Variants in KLF11 observed in about 807,000 individuals in gnomAD.
KLF11 encodes the protein Krueppel-like factor 11.
A neutral mutation model predicts 29.9 loss-of-function variants in KLF11; 26 were observed. The observed-to-expected ratio is 0.87, with a 90% CI of 0.64 to 1.21. KLF11 has a LOEUF of 1.21. KLF11 is among the 50% of genes most tolerant of loss of function. KLF11 has a pLI of 0.00. For synonymous variants in KLF11, 318 were observed against 257.4 expected (o/e 1.24, Z -2.25); for missense variants, 778 against 665.7 (o/e 1.17, Z -1.86).
At chr2:10,045,389 C>T (rs1254092766) in intron 1 of KLF11, among the ~76,000 whole-genome samples, 1 of 151,328 alleles carries the variant, frequency 6.6e-6, no homozygotes, top group East Asian at 2.0e-4. Flanking sequence ...GCAAAACTCT[C>T]TTTCTACTAA....
rs199832449 is a variant in KLF11, at chr2:10,053,318, C to T, written c.*811C>T. 2 of 398,624 alleles carry T rather than the reference C, an allele frequency of 5.0e-6. No individual in the cohort carries two copies. The highest frequency in any genetic ancestry group is 7.1e-5 in the East Asian group (2 of 28,082). The allele number at this position is 398,624 out of a possible 1,614,324, so 24.7% of individuals were successfully genotyped here. On this transcript the variant is annotated 3_prime_UTR_variant, in exon 4 of 4. Transcript: ENST00000305883. ...GTCTGTAATAGTCTTGGCCATGGCT[C>T]TGCTGAAAGCAAGCCATTCAGTTTC...
intron 3 of KLF11, among the ~76,000 whole-genome samples, chr2:10,050,495 A>G (rs1036963190): frequency 1.3e-5 from 2 of 151,658 alleles, no homozygotes; most frequent in Non-Finnish European, 2.9e-5. Context: ...GCAGATCACG[A>G]GGTCAAGAAA....
At chr2:10,050,747 C>A (rs1661377882) in intron 3 of KLF11, among the ~76,000 whole-genome samples, 1 of 151,994 alleles carries the variant, frequency 6.6e-6, no homozygotes, top group African/African-American at 2.4e-5. Flanking sequence ...TCTGAAGAAT[C>A]CCCTTGTGCC....
intron 1 of KLF11, among the ~76,000 whole-genome samples, chr2:10,045,329 A>G (rs1273546418): frequency 6.6e-6 from 1 of 152,066 alleles, no homozygotes; most frequent in Non-Finnish European, 1.5e-5. Context: ...CTGAGGCAGG[A>G]GAATCGCTTG....
intron 3 of KLF11, among the ~76,000 whole-genome samples, chr2:10,051,032 G>C (rs551968251): frequency 4.5e-4 from 66 of 145,734 alleles, no homozygotes; most frequent in African/African-American, 1.7e-3. Context: ...TCAGCCTCCC[G>C]AGTAGCTGGG....
chr2:10,046,327 C>T lies in KLF11; in HGVS notation c.220C>T (p.Pro74Ser). The change falls in exon 2 of 4, where the codon CCT becomes TCT. Residue 74 changes from proline to serine, a missense_variant. Transcript: ENST00000305883. ...GDLLRIRPLT[P>S]VSDSGDVTTT... is the part of the protein sequence containing the mutation. The stretch of plus-strand genomic sequence containing the variant: ...CCTGTTGCGGATAAGACCCCTCACG[C>T]CTGTCTCTGACTCTGGGGATGTCAC... 6.2e-7 allele frequency: 1 copy of T among 1,614,190 alleles called. No individual in the cohort carries two copies. The highest frequency in any genetic ancestry group is 1.1e-5 in the South Asian group (1 of 91,080).
At position 10,052,651 on chromosome 2, in the gene KLF11, G is replaced by C; in HGVS notation, c.*144G>C. 1 of 791,536 alleles carries C rather than the reference G, an allele frequency of 1.3e-6. No homozygotes were observed. The highest frequency in any genetic ancestry group is 1.6e-5 in the South Asian group (1 of 63,368). 49.0% of individuals were successfully genotyped at this position (791,536 alleles called of 1,614,324 possible). A position where few individuals can be genotyped will look rare whatever the true frequency, so the allele number is the denominator to read the frequency against. On this transcript the variant is annotated 3_prime_UTR_variant, in exon 4 of 4. Coordinates refer to ENST00000305883, the MANE Select transcript of KLF11 (RefSeq NM_003597.5). ...GATCGGGGAGCTGGTTTTGATGAAA[G>C]TATGTTAACTTTTCTTTTCCACTTG... is the stretch of plus-strand genomic sequence containing the variant.
chr2:10,047,404 G>A (rs1164103915), intron 2 of KLF11, among the ~76,000 whole-genome samples: 2 of 152,198 alleles, frequency 1.3e-5, no homozygotes, highest in Non-Finnish European at 2.9e-5. Flanking sequence ...GGTGGGCCTG[G>A]CGGCCAGGAG....
At position 10,052,484 on chromosome 2, in the gene KLF11, G is replaced by A; in HGVS notation, c.1516G>A (p.Val506Met). 6.2e-7 allele frequency: 1 copy of A among 1,614,006 alleles called. No homozygotes were observed. The highest frequency in any genetic ancestry group is 8.5e-7 in the Non-Finnish European group (1 of 1,180,006). Residue 506 changes from valine (V) to methionine (M), a missense_variant, in exon 4 of 4, where the codon GTG (valine) becomes ATG (methionine). By Grantham distance (21) the Val-to-Met change is conservative. Coordinates refer to ENST00000305883, the MANE Select transcript of KLF11 (RefSeq NM_003597.5). ...TGCAGAGAGCCCGGGGAGCCCACTGGTGAGCATGCCAGCCTCTGCCTGAAA... is the reference window on the plus strand; with the variant it reads ...TGCAGAGAGCCCGGGGAGCCCACTGATGAGCATGCCAGCCTCTGCCTGAAA... ...ASAESPGSPL[V>M]SMPASA
At chr2:10,051,378 T>G (rs904709637) in intron 3 of KLF11, among the ~76,000 whole-genome samples, 2 of 152,050 alleles carry the variant, frequency 1.3e-5, no homozygotes, top group African/African-American at 4.8e-5. Context: ...CCAGCTAATT[T>G]TTGTATTTTT....
In KLF11 at chr2:10,052,724, G is replaced by GTT. The variant is rs34206941; in HGVS notation, c.*226_*227dup. On this transcript the variant is annotated 3_prime_UTR_variant, in exon 4 of 4. Coordinates refer to ENST00000305883, the MANE Select transcript of KLF11 (RefSeq NM_003597.5). Reference sequence around the variant, plus strand: ...TAGTTTCAGAAGTTTTTTTGTTTTGGTTTTTTTTTTAAAGAAATGGTAGAA... The same window carrying GTT: ...TAGTTTCAGAAGTTTTTTTGTTTTGGTTTTTTTTTTTTAAAGAAATGGTAGAA... The GTT allele has an allele frequency of 0.46, 198,253 of 430,712 alleles. 33,185 individuals carry two copies. Among genetic ancestry groups the GTT allele is most frequent in the Admixed American group, 0.57 (13,940 of 24,600 alleles). The allele number at this position is 430,712 out of a possible 1,614,324, so 26.7% of individuals were successfully genotyped here.
chr2:10,046,237 G>C lies in KLF11; in HGVS notation c.130G>C (p.Asp44His). The stretch of plus-strand genomic sequence containing the variant: ...TACTTGCAGCATCTTGGAGCAGACA[G>C]ACATGGAAGCTGTCGAGGCTCTTGT... ...RSTCSILEQT[D>H]MEAVEALVCM... The change falls in exon 2 of 4, where the codon GAC (aspartate) becomes CAC (histidine). Residue 44 changes from aspartate (D) to histidine (H), a missense_variant. Asp to His is a moderately conservative substitution (Grantham distance 81). Transcript: ENST00000305883. 5 of 1,614,210 alleles carry C rather than the reference G, an allele frequency of 3.1e-6. No individual in the cohort carries two copies. Among genetic ancestry groups the C allele is most frequent in the Non-Finnish European group, 3.4e-6 (4 of 1,180,042 alleles).
intron 1 of KLF11, among the ~76,000 whole-genome samples, chr2:10,045,326 A>C (rs1336732191): frequency 6.6e-6 from 1 of 152,074 alleles, no homozygotes; most frequent in Non-Finnish European, 1.5e-5. Flanking sequence ...AGGCTGAGGC[A>C]GGAGAATCGC....
In KLF11 at chr2:10,047,780, C is replaced by T. The variant is rs1276558519; in HGVS notation, c.443C>T (p.Ala148Val). 11 of 1,613,758 alleles carry T rather than the reference C, an allele frequency of 6.8e-6. No homozygotes were observed. Among genetic ancestry groups the T allele is most frequent in the South Asian group, 4.4e-5 (4 of 91,082 alleles). Residue 148 changes from alanine to valine, a missense_variant, in exon 3 of 4, where the codon GCT becomes GTT. Ala to Val is a moderately conservative substitution (Grantham distance 64). Transcript: ENST00000305883. ...VLQSSAVVARALSGGAERGLL... is the reference protein window; with the variant it reads ...VLQSSAVVARVLSGGAERGLL... The stretch of plus-strand genomic sequence containing the variant: ...CAGTCCTCTGCCGTAGTGGCCAGAG[C>T]TCTGAGCGGGGGCGCGGAGAGGGGC...
chr2:10,049,968 T>C (rs1256809255), intron 3 of KLF11, among the ~76,000 whole-genome samples: 1 of 152,104 alleles, frequency 6.6e-6, no homozygotes, highest in Non-Finnish European at 1.5e-5. Flanking sequence ...CCAGGGGAAC[T>C]TTGCATTACA....
At chr2:10,047,590 A>G in intron 2 of KLF11, 60 bp from the exon 3 acceptor site, 1 of 1,363,680 alleles carries the variant, frequency 7.3e-7, no homozygotes, top group Non-Finnish European at 1.0e-6. Context: ...GAGCATTGTG[A>G]TGAATTAAAT....
At position 10,046,412 on chromosome 2, in the gene KLF11, C is replaced by T. The variant is rs576350323; in HGVS notation, c.305C>T (p.Ser102Leu). The change falls in exon 2 of 4, where the codon TCG (serine) becomes TTG (leucine). Residue 102 changes from serine (S) to leucine (L), a missense_variant. By Grantham distance (145) the Ser-to-Leu change is moderately radical. Transcript: ENST00000305883. The part of the protein sequence containing the change: ...PELPKDFHSL[S>L]TLCITPPQSP... ...CTACCAAAAGACTTCCATTCTTTAT[C>T]GACTCTGGTAAGAGGAGGTGGGAGG... The T allele has an allele frequency of 8.1e-6, 13 of 1,613,944 alleles. No homozygotes were observed. Among genetic ancestry groups the T allele is most frequent in the East Asian group, 4.5e-5 (2 of 44,886 alleles).
chr2:10,044,157 C>G (rs1382666864), intron 1 of KLF11: 2 of 158,670 alleles, frequency 1.3e-5, no homozygotes, highest in East Asian at 2.3e-3. Flanking sequence ...GAACGCGGCA[C>G]GGTTTTGGGG....
chr2:10,050,364 G>A (rs1021120932), intron 3 of KLF11, among the ~76,000 whole-genome samples: 4 of 147,136 alleles, frequency 2.7e-5, no homozygotes, highest in Non-Finnish European at 4.4e-5. Flanking sequence ...TGGAGATTGC[G>A]CCATTACACT....
Sources: allele counts gnomAD v4.1 joint callset (sites outside exome capture counted in the v4.1 genomes callset), GRCh38; gene constraint gnomAD v4.1.1; transcripts MANE v1.5; gene names NCBI Gene and HGNC (gene_info 2026-07-23, HGNC 2026-07-21).